Variants in LUZP2 observed in about 807,000 individuals in gnomAD.
LUZP2 encodes leucine zipper protein 2.
A neutral mutation model predicts 51.6 loss-of-function variants in LUZP2; 52 were observed. That is an observed-to-expected ratio of 1.01 (90% CI 0.81 to 1.27). The LOEUF is 1.27. Among genes scored for constraint, LUZP2 ranks in the 50% most tolerant of loss-of-function variants. The pLI is 0.00. For missense variants in LUZP2, 436 were observed against 395.4 expected, an observed-to-expected ratio of 1.10 and a Z score of -0.87; for synonymous variants, 154 against 137.3, an observed-to-expected ratio of 1.12 and a Z score of -0.85.
Position 24,734,998 on chromosome 11 carries a change from G to T in LUZP2, c.251+2810G>T, listed in dbSNP as rs141844149. ...CACTGGTCATAGCTGATGATTCAGA[G>T]GTGGCCACCGAAACAAAAACCAATC... On this transcript the variant is annotated intron_variant, in intron 3 of 11. Coordinates refer to ENST00000336930, the MANE Select transcript of LUZP2 (RefSeq NM_001009909.4). 2.8e-3 allele frequency among the ~76,000 whole-genome samples: 424 copies of T among 151,934 alleles called. 6 individuals are homozygous for T. The highest frequency in any genetic ancestry group is 0.024 in the South Asian group (114 of 4,824).
rs989622965 is a variant in LUZP2 at position 24,915,057 on chromosome 11, ATTGTATGTAAACC to A, written c.522+524_522+536del. On this transcript the variant is annotated intron_variant, in intron 7 of 11. Transcript: ENST00000336930. ...TTTTATGACTTAAAATATGAGATATATTGTATGTAAACCTTGTTATTTCATGTTATTTTACATT... is the reference window on the plus strand; with the variant it reads ...TTTTATGACTTAAAATATGAGATATATTGTTATTTCATGTTATTTTACATT... Among the ~76,000 whole-genome samples the A allele has an allele frequency of 1.6e-3, 247 of 152,224 alleles. 1 individual carries two copies. Among genetic ancestry groups the A allele is most frequent in the African/African-American group, 5.6e-3 (231 of 41,556 alleles).
chr11:24,865,710 G>GTATA (rs373154788), intron 5 of LUZP2, among the ~76,000 whole-genome samples: 1,033 of 65,930 alleles, frequency 0.016, 6 homozygotes, highest in Non-Finnish European at 0.03. Context: ...ATATGTTTGT[G>GTATA]TATATATATA....
chr11:24,998,169 A>G (rs947852193), intron 9 of LUZP2, among the ~76,000 whole-genome samples: 1 of 152,140 alleles, frequency 6.6e-6, no homozygotes, highest in Non-Finnish European at 1.5e-5. Flanking sequence ...AGTCATTGGT[A>G]ACTTGATGGG....
chr11:24,841,292 A>G (rs1851024492), intron 5 of LUZP2, among the ~76,000 whole-genome samples: 1 of 152,108 alleles, frequency 6.6e-6, no homozygotes. Context: ...GTGGCTGCCT[A>G]CAAGCAAAAA....
intron 1 of LUZP2, among the ~76,000 whole-genome samples, chr11:24,629,833 T>C (rs551518850): frequency 9.9e-5 from 15 of 152,106 alleles, no homozygotes; most frequent in Non-Finnish European, 1.9e-4. Context: ...TGTTCCCTTT[T>C]CTTCACATCC....
chr11:25,036,076 G>A (rs7945202), intron 9 of LUZP2, among the ~76,000 whole-genome samples: 71,707 of 151,830 alleles, frequency 0.47, 17,427 homozygotes, highest in Non-Finnish European at 0.51. Context: ...CTAAAATTCA[G>A]CTGTGAATAC....
rs564191549 is a variant in LUZP2, at chr11:24,645,078, C to T, written c.63-84091C>T. 4.6e-5 allele frequency among the ~76,000 whole-genome samples: 7 copies of T among 152,152 alleles called. No homozygotes were observed. The South Asian group carries it at 6.2e-4, about 14-fold the overall frequency. On this transcript the variant is annotated intron_variant, in intron 1 of 11. Transcript: ENST00000336930. ...TTATTTTACATTCCAATCCTGTTTACGTAAAATATTAGTTATTGTGCAGCC... is the reference window on the plus strand; with the variant it reads ...TTATTTTACATTCCAATCCTGTTTATGTAAAATATTAGTTATTGTGCAGCC...
chr11:24,500,076 C>G (rs1017982678), intron 1 of LUZP2, among the ~76,000 whole-genome samples: 2 of 152,140 alleles, frequency 1.3e-5, no homozygotes, highest in African/African-American at 2.4e-5. Flanking sequence ...TTTTCTGAAG[C>G]AACTTTAGAT....
chr11:24,773,238 T>C (rs1848803772), intron 5 of LUZP2, among the ~76,000 whole-genome samples: 1 of 152,196 alleles, frequency 6.6e-6, no homozygotes, highest in Non-Finnish European at 1.5e-5. Flanking sequence ...TGTCCCAACA[T>C]TGTGCTAGAT....
At chr11:24,566,725 A>G (rs934473463) in intron 1 of LUZP2, among the ~76,000 whole-genome samples, 21 of 146,620 alleles carry the variant, frequency 1.4e-4, no homozygotes, top group Admixed American at 5.6e-4. Context: ...ATATATGTAT[A>G]TATACATATT....
At chr11:25,015,337 A>G (rs964602283) in intron 9 of LUZP2, among the ~76,000 whole-genome samples, 7 of 152,210 alleles carry the variant, frequency 4.6e-5, no homozygotes, top group Admixed American at 2.0e-4. Flanking sequence ...TAATCATGCT[A>G]CATATATCAA....
At chr11:24,861,504 A>G (rs1449846696) in intron 5 of LUZP2, among the ~76,000 whole-genome samples, 1 of 152,150 alleles carries the variant, frequency 6.6e-6, no homozygotes, top group African/African-American at 2.4e-5. Flanking sequence ...AAATACAGAG[A>G]ACACCATTAA....
intron 5 of LUZP2, among the ~76,000 whole-genome samples, chr11:24,834,017 C>T (rs1255261834): frequency 6.6e-6 from 1 of 151,986 alleles, no homozygotes; most frequent in East Asian, 1.9e-4. Flanking sequence ...AAAGTGCCAC[C>T]TGTTTTATAA....
At position 25,003,769 on chromosome 11, in the gene LUZP2, C is replaced by T. The variant is rs116094429; in HGVS notation, c.765+20476C>T. ...AACGCCCAGACTTCAGGGTTGACTC[C>T]TTCCTCAAGTAGGGGACAACAAATG... is the stretch of plus-strand genomic sequence containing the variant. On this transcript the variant is annotated intron_variant, in intron 9 of 11. Coordinates refer to ENST00000336930, the MANE Select transcript of LUZP2 (RefSeq NM_001009909.4). Among the ~76,000 whole-genome samples, 1,194 of 152,232 alleles carry T rather than the reference C, an allele frequency of 7.8e-3. 17 individuals are homozygous for T. The highest frequency in any genetic ancestry group is 0.024 in the African/African-American group (1,007 of 41,550).
intron 5 of LUZP2, among the ~76,000 whole-genome samples, chr11:24,769,797 G>A (rs559470451): frequency 7.1e-6 from 1 of 139,960 alleles, no homozygotes; most frequent in African/African-American, 3.2e-5. Flanking sequence ...TTTTTTGTTT[G>A]TTTGTTTTGT....
chr11:24,532,799 A>C (rs1388237903), intron 1 of LUZP2, among the ~76,000 whole-genome samples: 1 of 151,014 alleles, frequency 6.6e-6, no homozygotes, highest in African/African-American at 2.4e-5. Flanking sequence ...TAATTATATA[A>C]ATACTTCAGA....
rs533652348 is a variant in LUZP2, at chr11:24,719,659, G to T, written c.63-9510G>T. Among the ~76,000 whole-genome samples, 9 of 152,300 alleles carry T rather than the reference G, an allele frequency of 5.9e-5. No homozygotes were observed. The South Asian group carries it at 1.4e-3, about 25-fold the overall frequency. On this transcript the variant is annotated intron_variant, in intron 1 of 11. Transcript: ENST00000336930. ...CCATATACACTTACTTTATGACTTT[G>T]AAGCTTTTCCCATCAAGAAGTGAAG...
At chr11:25,003,228 T>C (rs1304881708) in intron 9 of LUZP2, among the ~76,000 whole-genome samples, 1 of 152,182 alleles carries the variant, frequency 6.6e-6, no homozygotes, top group East Asian at 1.9e-4. Context: ...GTGCCTGGAC[T>C]TGAGAAGAGA....
chr11:24,972,138 C>CAA lies in LUZP2; in HGVS notation c.523-4453_523-4452insAA, dbSNP rs1565176253. Among the ~76,000 whole-genome samples, 17 of 3,744 alleles carry CAA rather than the reference C, an allele frequency of 4.5e-3. No homozygotes were observed. In the Non-Finnish European group the frequency reaches 0.062, roughly 14 times the overall value. 2.5% of individuals were successfully genotyped at this position (3,744 alleles called of 152,430 possible). Reference sequence around the variant, plus strand: ...CCTGGGTGACAGCGGAGTGAGACTCCGAAAAAAAAAAAAAAAAAAAAAAAC... The same window carrying CAA: ...CCTGGGTGACAGCGGAGTGAGACTCCAAGAAAAAAAAAAAAAAAAAAAAAAAC... On this transcript the variant is annotated intron_variant, in intron 7 of 11. Transcript: ENST00000336930.
Sources: allele counts gnomAD v4.1 joint callset (sites outside exome capture counted in the v4.1 genomes callset), GRCh38; gene constraint gnomAD v4.1.1; transcripts MANE v1.5; gene names NCBI Gene and HGNC (gene_info 2026-07-23, HGNC 2026-07-21).